The following IL17REL variants were observed in gnomAD, a reference collection of about 807,000 sequenced individuals.
IL17REL encodes the protein interleukin 17 receptor E like.
In IL17REL, 36 loss-of-function variants were observed where a neutral mutation model predicts 49.0. The ratio of observed to expected loss-of-function variants is 0.73; its 90% confidence interval spans 0.56 to 0.97. The LOEUF is 0.97. IL17REL is among the 50% of genes least tolerant of loss of function. The probability of loss-of-function intolerance (pLI) is 0.00; values close to 1 mark genes in which losing one functional copy is unlikely to be tolerated. For synonymous variants in IL17REL, 206 were observed against 192.4 expected, an observed-to-expected ratio of 1.07 and a Z score of -0.58; for missense variants, 470 against 453.9, an observed-to-expected ratio of 1.04 and a Z score of -0.32.
At chr22:50,008,005 G>A (rs531182657) in intron 1 of IL17REL, among the ~76,000 whole-genome samples, 8 of 152,250 alleles carry the variant, frequency 5.3e-5, no homozygotes, top group Admixed American at 6.5e-5. Flanking sequence ...TTGGGAGGCC[G>A]AGGCAGGAGG....
At chr22:49,998,185 C>G (rs376312584) in exon 8 of IL17REL, 2 of 1,611,072 alleles carry the variant, frequency 1.2e-6, no homozygotes, top group Non-Finnish European at 1.7e-6. Flanking sequence ...GGCAGCCGGC[C>G]CCCGGCCCCG....
At chr22:49,992,712 G>A (rs1362410632), downstream of IL17REL, among the ~76,000 whole-genome samples, 2 of 152,202 alleles carry the variant, frequency 1.3e-5, no homozygotes, top group Non-Finnish European at 2.9e-5. Context: ...CTGCCTTCTG[G>A]GTTCAAGCGA....
upstream of IL17REL, among the ~76,000 whole-genome samples, chr22:50,009,639 C>T (rs1214143072): frequency 9.7e-5 from 1 of 10,284 alleles, no homozygotes; most frequent in East Asian, 1.8e-3. Context: ...CCCAGGCTGT[C>T]GGGGTGGGGG....
Position 50,007,300 on chromosome 22 carries a change from G to A in IL17REL, c.-42+1337C>T, listed in dbSNP as rs2061115445. On this transcript the variant is annotated intron_variant, in intron 1 of 12. Transcript: ENST00000341280. The stretch of plus-strand genomic sequence containing the variant: ...TGAGCTGTCATTAGCTGCAGAATAT[G>A]TGATCATCATTAAAAAAGGAGACTC... 2.6e-5 allele frequency among the ~76,000 whole-genome samples: 4 copies of A among 152,060 alleles called. 1 individual carries two copies. Among genetic ancestry groups the A allele is most frequent in the Admixed American group, 2.6e-4 (4 of 15,228 alleles).
At chr22:50,002,819 C>T (rs928252537) in intron 1 of IL17REL, among the ~76,000 whole-genome samples, 3 of 152,202 alleles carry the variant, frequency 2.0e-5, no homozygotes, top group Non-Finnish European at 4.4e-5. Context: ...TACAAATTCC[C>T]ACTGTAGTCC....
intron 1 of IL17REL, among the ~76,000 whole-genome samples, chr22:50,007,691 GTTGT>G (rs1190781457): frequency 2.6e-5 from 4 of 151,950 alleles, no homozygotes; most frequent in South Asian, 2.1e-4. Context: ...CTTTGCATTT[GTTGT>G]TTGTTTGTTA....
At chr22:50,011,622 C>G, upstream of IL17REL, among the ~76,000 whole-genome samples, 1 of 152,022 alleles carries the variant, frequency 6.6e-6, no homozygotes, top group Non-Finnish European at 1.5e-5. Context: ...GGGTGGCATC[C>G]GGTGGACACC....
At chr22:49,992,354 A>G (rs1469437643), downstream of IL17REL, among the ~76,000 whole-genome samples, 1 of 152,192 alleles carries the variant, frequency 6.6e-6, no homozygotes, top group Non-Finnish European at 1.5e-5. Flanking sequence ...GAGCCGGGCA[A>G]TGCAAAGGCC....
downstream of IL17REL, among the ~76,000 whole-genome samples, chr22:49,994,103 G>A (rs1017061473): frequency 2.7e-5 from 4 of 150,122 alleles, no homozygotes; most frequent in Non-Finnish European, 5.9e-5. Flanking sequence ...AAGGGCACCT[G>A]GGCGAGTGGC....
intron 1 of IL17REL, among the ~76,000 whole-genome samples, chr22:50,005,153 G>A (rs1045831086): frequency 5.9e-5 from 9 of 152,174 alleles, no homozygotes; most frequent in Middle Eastern, 6.8e-3. Context: ...AAATGAAGAG[G>A]AGGCTGTGTA....
Position 49,999,286 on chromosome 22 carries a change from CTT to C in IL17REL, c.601+3_601+4del. 1.2e-6 allele frequency: 2 copies of C among 1,613,024 alleles called. No individual in the cohort carries two copies. The highest frequency in any genetic ancestry group is 1.7e-6 in the Non-Finnish European group (2 of 1,180,008). On this transcript the variant is annotated splice_donor_region_variant and intron_variant, in intron 7 of 12. Coordinates refer to ENST00000341280, the Ensembl canonical transcript of IL17REL. ...TTCCGCCCGTTGGCATCGCAGGACA[CTT>C]GCCGTTTTCAAAGGGGCAGATCTGG...
chr22:50,005,701 A>G (rs2061105893), intron 1 of IL17REL, among the ~76,000 whole-genome samples: 1 of 152,006 alleles, frequency 6.6e-6, no homozygotes, highest in Non-Finnish European at 1.5e-5. Context: ...GCTACTTGAG[A>G]GGCTAAGGCA....
intron 5 of IL17REL, 60 bp downstream of exon 7, chr22:49,999,768 C>A: frequency 1.6e-6 from 2 of 1,244,070 alleles, no homozygotes; most frequent in South Asian, 4.4e-5. Flanking sequence ...TGACCGGGGC[C>A]CGGGGCGCGG....
intron 2 of IL17REL, 87 bp from the exon 4 acceptor site, chr22:50,000,950 T>C: frequency 7.7e-7 from 1 of 1,299,668 alleles, no homozygotes; most frequent in Non-Finnish European, 1.1e-6. Context: ...TTCCTCTGCC[T>C]TCTCTCTGTG....
At chr22:50,006,431 T>C (rs1396550778) in intron 1 of IL17REL, among the ~76,000 whole-genome samples, 1 of 151,976 alleles carries the variant, frequency 6.6e-6, no homozygotes. Context: ...GTTGAGCCGC[T>C]GAAGGTAAAC....
At chr22:50,002,779 G>C (rs1228507352) in intron 1 of IL17REL, among the ~76,000 whole-genome samples, 3 of 152,098 alleles carry the variant, frequency 2.0e-5, no homozygotes, top group African/African-American at 7.2e-5. Flanking sequence ...ACAGGTGTGA[G>C]CCACCACGCC....
chr22:50,000,864 C>G lies in IL17REL; in HGVS notation c.110-1G>C. 6.5e-7 allele frequency: 1 copy of G among 1,549,090 alleles called. No individual in the cohort carries two copies. The highest frequency in any genetic ancestry group is 8.7e-7 in the Non-Finnish European group (1 of 1,150,816). ...CAGGCCTCCAGGCCCCGCAGGCGCT[C>G]TGGGTGGAGGAAGGACCCGGCAGGG... is the stretch of plus-strand genomic sequence containing the variant. On this transcript the variant is annotated splice_acceptor_variant, in intron 2 of 12. Coordinates refer to ENST00000341280, the Ensembl canonical transcript of IL17REL. LOFTEE classifies it high-confidence loss of function.
At chr22:50,004,030 T>C (rs2061094067) in intron 1 of IL17REL, among the ~76,000 whole-genome samples, 1 of 152,214 alleles carries the variant, frequency 6.6e-6, no homozygotes, top group Non-Finnish European at 1.5e-5. Context: ...GAATACAAGA[T>C]CAATATACAA....
rs755683295 is a variant in IL17REL, at chr22:49,997,422, C to A, written c.878-6G>T. The A allele has an allele frequency of 2.5e-6, 4 of 1,612,920 alleles. No homozygotes were observed. The Admixed American group carries it at 6.7e-5, about 27-fold the overall frequency. ...GCACCTGGAAGTGGGCGGGGCTGGA[C>A]GAGAAGAAGGTGACCCGGAGGTGGC... is the stretch of plus-strand genomic sequence containing the variant. On this transcript the variant is annotated splice_polypyrimidine_tract_variant and splice_region_variant and intron_variant, in intron 10 of 12. Transcript: ENST00000341280.
Sources: gnomAD v4.1 joint callset for allele counts (sites outside exome capture counted in the v4.1 genomes callset) on GRCh38, gnomAD v4.1.1 for gene constraint, MANE v1.5 for transcripts, NCBI Gene and HGNC (gene_info 2026-07-23, HGNC 2026-07-21) for gene names.